Variants in RNF152 observed in about 807,000 individuals in gnomAD.
The protein encoded by RNF152 is ring finger protein 152.
Under a neutral mutation model 12.7 loss-of-function variants are expected in RNF152, and 11 were observed. The ratio of observed to expected loss-of-function variants is 0.86; its 90% CI spans 0.54 to 1.43. The LOEUF is 1.43. Ranked by LOEUF, RNF152 falls within the 40% of genes most tolerant of loss-of-function variation. The pLI is 0.00. For missense variants in RNF152, 255 were observed against 274.8 expected, an observed-to-expected ratio of 0.93 and a Z score of 0.51; for synonymous variants, 113 against 120.3, an observed-to-expected ratio of 0.94 and a Z score of 0.40.
chr18:61,843,940 T>C (rs531371198), intron 1 of RNF152, among the ~76,000 whole-genome samples: 2 of 151,180 alleles, frequency 1.3e-5, no homozygotes, highest in African/African-American at 2.4e-5. Flanking sequence ...TTAAAAATGA[T>C]AGAAATGCTC....
chr18:61,881,058 C>T (rs1186784931), intron 1 of RNF152, among the ~76,000 whole-genome samples: 2 of 152,062 alleles, frequency 1.3e-5, no homozygotes, highest in South Asian at 2.1e-4. Context: ...GGATTACAGG[C>T]GCATGCCACC....
At chr18:61,854,433 G>A (rs9949492) in intron 1 of RNF152, among the ~76,000 whole-genome samples, 42,793 of 152,052 alleles carry the variant, frequency 0.28, 6,415 homozygotes, top group Non-Finnish European at 0.34. Flanking sequence ...TAAAGGAAAC[G>A]CACAATAGGT....
intron 1 of RNF152, among the ~76,000 whole-genome samples, chr18:61,849,129 C>T (rs984493749): frequency 3.3e-5 from 5 of 152,170 alleles, no homozygotes; most frequent in African/African-American, 9.7e-5. Context: ...TCCTCTCTCT[C>T]GCTCCACTGA....
chr18:61,857,913 A>C (rs1223246086), intron 1 of RNF152, among the ~76,000 whole-genome samples: 1 of 152,218 alleles, frequency 6.6e-6, no homozygotes, highest in Non-Finnish European at 1.5e-5. Context: ...CAGACAACTA[A>C]AACAATAACA....
At chr18:61,834,722 G>A (rs1910103494) in intron 1 of RNF152, among the ~76,000 whole-genome samples, 3 of 152,170 alleles carry the variant, frequency 2.0e-5, no homozygotes, top group Non-Finnish European at 4.4e-5. Flanking sequence ...AGTATTTGCA[G>A]GCAATTCAGA....
At chr18:61,818,577 T>C (rs190561678) in intron 1 of RNF152, among the ~76,000 whole-genome samples, 1 of 152,332 alleles carries the variant, frequency 6.6e-6, no homozygotes, top group African/African-American at 2.4e-5. Context: ...GAAAGTGAAA[T>C]ACAGTAATGT....
At chr18:61,853,371 C>T (rs532221337) in intron 1 of RNF152, among the ~76,000 whole-genome samples, 28 of 149,008 alleles carry the variant, frequency 1.9e-4, no homozygotes, top group Non-Finnish European at 3.1e-4. Context: ...CTCACTGCAA[C>T]CTCTGCCTCC....
intron 1 of RNF152, among the ~76,000 whole-genome samples, chr18:61,886,564 T>C (rs1320654211): frequency 2.6e-5 from 4 of 152,236 alleles, no homozygotes; most frequent in Non-Finnish European, 5.9e-5. Flanking sequence ...TCACAACTGC[T>C]ACATCAGCCA....
At chr18:61,847,459 T>C (rs190380908) in intron 1 of RNF152, among the ~76,000 whole-genome samples, 1 of 152,326 alleles carries the variant, frequency 6.6e-6, no homozygotes, top group Non-Finnish European at 1.5e-5. Flanking sequence ...TTCCCGCAAG[T>C]GTCCTTGAAT....
intron 1 of RNF152, among the ~76,000 whole-genome samples, chr18:61,887,354 C>A (rs1362798446): frequency 6.6e-6 from 1 of 152,190 alleles, no homozygotes; most frequent in East Asian, 1.9e-4. Flanking sequence ...AAACAAGGTT[C>A]TTGACTAAGA....
chr18:61,868,462 A>G (rs570001079), intron 1 of RNF152, among the ~76,000 whole-genome samples: 4 of 152,104 alleles, frequency 2.6e-5, no homozygotes, highest in Non-Finnish European at 5.9e-5. Flanking sequence ...TAATCCCAGC[A>G]CTTTGAGAGG....
intron 1 of RNF152, among the ~76,000 whole-genome samples, chr18:61,821,334 G>A (rs963512421): frequency 1.3e-5 from 2 of 152,162 alleles, no homozygotes; most frequent in African/African-American, 4.8e-5. Flanking sequence ...TTTGACAGCA[G>A]CCTCTCTGAT....
At chr18:61,858,612 G>T (rs113426267) in intron 1 of RNF152, among the ~76,000 whole-genome samples, 6,858 of 152,162 alleles carry the variant, frequency 0.045, 222 homozygotes, top group South Asian at 0.077. Context: ...TTCCACTCAG[G>T]GTTCCCACCA....
At chr18:61,857,102 G>C (rs1239988923) in intron 1 of RNF152, among the ~76,000 whole-genome samples, 1 of 152,184 alleles carries the variant, frequency 6.6e-6, no homozygotes, top group Non-Finnish European at 1.5e-5. Context: ...AGGCATAAAA[G>C]ACACAGAATC....
Position 61,820,331 on chromosome 18 carries a change from C to CAAAAAAAAAAAAAAA in RNF152, c.-135-3748_-135-3734dup, listed in dbSNP as rs1344591753. 5.0e-5 allele frequency among the ~76,000 whole-genome samples: 2 copies of CAAAAAAAAAAAAAAA among 39,980 alleles called. 1 individual carries two copies. Among genetic ancestry groups the CAAAAAAAAAAAAAAA allele is most frequent in the African/African-American group, 2.9e-4 (2 of 6,832 alleles). The allele number at this position is 39,980 out of a possible 152,430, so 26.2% of individuals were successfully genotyped here. On this transcript the variant is annotated intron_variant, in intron 1 of 1. Transcript: ENST00000312828. Reference sequence around the variant, plus strand: ...GTGACAGAGAGAGACTCCGTCTCACCAAAAAAAAAAAAAAAAAAAAAAAAA... The same window carrying CAAAAAAAAAAAAAAA: ...GTGACAGAGAGAGACTCCGTCTCACCAAAAAAAAAAAAAAAAAAAAAAAAAAAAAAAAAAAAAAAA...
At chr18:61,831,616 A>T (rs924849832) in intron 1 of RNF152, among the ~76,000 whole-genome samples, 2 of 149,186 alleles carry the variant, frequency 1.3e-5, no homozygotes, top group Non-Finnish European at 3.0e-5. Context: ...GATGTAAGAT[A>T]AAAAAAATAA....
intron 1 of RNF152, among the ~76,000 whole-genome samples, chr18:61,865,525 G>C (rs146764844): frequency 5.4e-4 from 82 of 152,180 alleles, no homozygotes; most frequent in African/African-American, 2.0e-3. Context: ...CACAAAAAAC[G>C]CAATACTATT....
At chr18:61,868,715 TA>T (rs59667570) in intron 1 of RNF152, among the ~76,000 whole-genome samples, 4 of 150,628 alleles carry the variant, frequency 2.7e-5, no homozygotes, top group African/African-American at 4.9e-5. Flanking sequence ...AAAATAAAAA[TA>T]AAAAAAAATA....
In RNF152 at chr18:61,824,997, G is replaced by A. The variant is rs1005644521; in HGVS notation, c.-135-8399C>T. 6.6e-5 allele frequency among the ~76,000 whole-genome samples: 10 copies of A among 152,274 alleles called. No individual in the cohort carries two copies. The South Asian group carries it at 8.3e-4, about 13-fold the overall frequency. On this transcript the variant is annotated intron_variant, in intron 1 of 1. Transcript: ENST00000312828. ...ATAAAGATGATCAATTACCCTGACT[G>A]CCAGAATTCTGAATAGAGTTGAAAT...
Sources: gnomAD v4.1 joint callset for allele counts (sites outside exome capture counted in the v4.1 genomes callset) on GRCh38, gnomAD v4.1.1 for gene constraint, MANE v1.5 for transcripts, NCBI Gene and HGNC (gene_info 2026-07-23, HGNC 2026-07-21) for gene names.